PKNOX2: variants seen among roughly 807,000 people sequenced by gnomAD.
PKNOX2 encodes the protein homeobox protein PKNOX2.
Under a neutral mutation model 53.1 loss-of-function variants are expected in PKNOX2, and 14 were observed. The ratio of observed to expected loss-of-function variants is 0.26; its 90% CI spans 0.17 to 0.41. The LOEUF (loss-of-function observed/expected upper bound fraction) is 0.41, where lower values mean the gene tolerates loss of function less well. PKNOX2 is among the 10% of genes least tolerant of loss of function. PKNOX2 has a pLI of 1.00. For missense variants in PKNOX2, 496 were observed against 602.8 expected (o/e 0.82, Z 1.85); for synonymous variants, 257 against 242.8 (o/e 1.06, Z -0.54).
In PKNOX2 at chr11:125,407,964, G is replaced by A. The variant is rs147338923; in HGVS notation, c.589-2232G>A. ...ATGAGGCCCACAGAAGGGTGGTGAC[G>A]AGATTGCCTTTCCTCCAGTGCCCAC... On this transcript the variant is annotated intron_variant, in intron 7 of 12. Coordinates refer to ENST00000298282, the MANE Select transcript of PKNOX2 (RefSeq NM_001382323.2). 2.6e-3 allele frequency among the ~76,000 whole-genome samples: 393 copies of A among 152,274 alleles called. 3 individuals are homozygous for A. Among genetic ancestry groups the A allele is most frequent in the African/African-American group, 9.2e-3 (383 of 41,548 alleles).
At position 125,197,749 on chromosome 11, in the gene PKNOX2, C is replaced by T. The variant is rs530735696; in HGVS notation, c.-201+32973C>T. ...AAGTCCCCAAGGGGAAGACACACAT[C>T]CCCCAGGGTCCTGGCTACGGCTGCC... is the stretch of plus-strand genomic sequence containing the variant. On this transcript the variant is annotated intron_variant, in intron 1 of 12. Transcript: ENST00000298282. 6.6e-5 allele frequency among the ~76,000 whole-genome samples: 10 copies of T among 152,310 alleles called. 1 individual carries two copies. In the South Asian group the frequency reaches 2.1e-3, roughly 32 times the overall value.
chr11:125,214,791 C>T (rs986681624), intron 1 of PKNOX2, among the ~76,000 whole-genome samples: 2 of 152,042 alleles, frequency 1.3e-5, no homozygotes, highest in East Asian at 3.9e-4. Context: ...TCTCTTCTCT[C>T]TCCTCCCCAC....
chr11:125,413,784 C>T (rs1309925807), intron 10 of PKNOX2, among the ~76,000 whole-genome samples: 4 of 152,108 alleles, frequency 2.6e-5, no homozygotes, highest in African/African-American at 7.2e-5. Context: ...CACCCCCATG[C>T]GTTTTTGAAG....
chr11:125,431,701 C>A lies in PKNOX2; in HGVS notation c.*309C>A. 2.7e-6 allele frequency: 1 copy of A among 372,212 alleles called. No homozygotes were observed. Among genetic ancestry groups the A allele is most frequent in the Admixed American group, 4.1e-5 (1 of 24,544 alleles). The allele number at this position is 372,212 out of a possible 1,614,324, so 23.1% of individuals were successfully genotyped here. On this transcript the variant is annotated 3_prime_UTR_variant, in exon 13 of 13. Coordinates refer to ENST00000298282, the MANE Select transcript of PKNOX2 (RefSeq NM_001382323.2). ...CCAAATCCCTGAGGATAGATGGCAC[C>A]CATGGCCCCCACCCACGGAAGGACT...
rs1254761603 is a variant in PKNOX2, at chr11:125,264,364, C to T, written c.-130+29249C>T. 2.6e-5 allele frequency among the ~76,000 whole-genome samples: 4 copies of T among 152,146 alleles called. No individual in the cohort carries two copies. In the East Asian group the frequency reaches 7.7e-4, roughly 29 times the overall value. ...CAGATCCCTTGGAATGCAGCTCAGG[C>T]TATGGTGGGCCTGGGGTCCTGGGGA... is the stretch of plus-strand genomic sequence containing the variant. On this transcript the variant is annotated intron_variant, in intron 2 of 12. Transcript: ENST00000298282.
Position 125,211,333 on chromosome 11 carries a change from C to G in PKNOX2, c.-200-23712C>G, listed in dbSNP as rs561849099. ...ATTTTTATGTATTCCTTTATTTGTT[C>G]AGTCATTCATTCTACAAATATTTAC... On this transcript the variant is annotated intron_variant, in intron 1 of 12. Coordinates refer to ENST00000298282, the MANE Select transcript of PKNOX2 (RefSeq NM_001382323.2). 1.3e-3 allele frequency among the ~76,000 whole-genome samples: 194 copies of G among 152,174 alleles called. 2 individuals carry two copies. Among genetic ancestry groups the G allele is most frequent in the African/African-American group, 4.4e-3 (184 of 41,534 alleles).
chr11:125,313,130 T>C (rs879647483), intron 2 of PKNOX2, among the ~76,000 whole-genome samples: 2 of 152,024 alleles, frequency 1.3e-5, no homozygotes, highest in Non-Finnish European at 2.9e-5. Flanking sequence ...TGTGTGTCTT[T>C]GAAAGTAGAA....
intron 2 of PKNOX2, among the ~76,000 whole-genome samples, chr11:125,310,604 C>T (rs1948745346): frequency 6.6e-6 from 1 of 152,052 alleles, no homozygotes; most frequent in South Asian, 2.1e-4. Context: ...AACCCTGATG[C>T]TTGCCACTTT....
chr11:125,417,884 G>T (rs1321107586), intron 10 of PKNOX2, among the ~76,000 whole-genome samples: 3 of 151,938 alleles, frequency 2.0e-5, no homozygotes, highest in Non-Finnish European at 4.4e-5. Flanking sequence ...CTTCCATTCA[G>T]CCACAAGGAG....
intron 4 of PKNOX2, among the ~76,000 whole-genome samples, chr11:125,358,455 T>C (rs1008668338): frequency 1.3e-5 from 2 of 152,260 alleles, no homozygotes; most frequent in Non-Finnish European, 2.9e-5. Flanking sequence ...CTTGGCCTCC[T>C]GTCAGTGACA....
intron 2 of PKNOX2, among the ~76,000 whole-genome samples, chr11:125,243,316 C>T (rs2135616694): frequency 6.6e-6 from 1 of 152,312 alleles, no homozygotes; most frequent in East Asian, 1.9e-4. Context: ...AGAGGCCCTT[C>T]CCTCTCCCCT....
chr11:125,395,231 T>C (rs1268558419), intron 6 of PKNOX2, among the ~76,000 whole-genome samples: 2 of 152,208 alleles, frequency 1.3e-5, no homozygotes, highest in African/African-American at 2.4e-5. Context: ...TCTATCCACA[T>C]TGTTGGGCAT....
intron 1 of PKNOX2, among the ~76,000 whole-genome samples, chr11:125,171,927 C>T (rs1236686297): frequency 3.3e-5 from 5 of 152,132 alleles, no homozygotes; most frequent in Admixed American, 1.3e-4. Flanking sequence ...AGAGAGGTGA[C>T]GTGGAAAAAG....
chr11:125,257,607 T>C (rs566282282), intron 2 of PKNOX2, among the ~76,000 whole-genome samples: 1 of 152,356 alleles, frequency 6.6e-6, no homozygotes, highest in East Asian at 1.9e-4. Flanking sequence ...GTTTCCCTGC[T>C]GTAAAAATGA....
At position 125,296,312 on chromosome 11, in the gene PKNOX2, T is replaced by C. The variant is rs367766046; in HGVS notation, c.-129-35507T>C. Among the ~76,000 whole-genome samples, 8 of 152,160 alleles carry C rather than the reference T, an allele frequency of 5.3e-5. No individual in the cohort carries two copies. The East Asian group carries it at 1.4e-3, about 26-fold the overall frequency. ...GAATGAACACTCAAAGTCTACTCCA[T>C]AGTCTGCCGGCTCTACCCAATACAG... On this transcript the variant is annotated intron_variant, in intron 2 of 12. Transcript: ENST00000298282.
At chr11:125,212,386 C>A (rs924819533) in intron 1 of PKNOX2, among the ~76,000 whole-genome samples, 2 of 151,696 alleles carry the variant, frequency 1.3e-5, no homozygotes, top group African/African-American at 4.8e-5. Context: ...TGTGGTTATA[C>A]CTGACATTGT....
At chr11:125,270,367 G>A (rs991145188) in intron 2 of PKNOX2, among the ~76,000 whole-genome samples, 4 of 152,212 alleles carry the variant, frequency 2.6e-5, no homozygotes, top group African/African-American at 9.7e-5. Context: ...ATGACATGGT[G>A]TCTTGCACTG....
At chr11:125,316,574 A>T (rs1949208894) in intron 2 of PKNOX2, among the ~76,000 whole-genome samples, 1 of 152,204 alleles carries the variant, frequency 6.6e-6, no homozygotes, top group South Asian at 2.1e-4. Context: ...AAGTCACATG[A>T]ATCTTTTGGT....
intron 3 of PKNOX2, among the ~76,000 whole-genome samples, chr11:125,338,116 G>T (rs535081462): frequency 1.1e-4 from 17 of 152,126 alleles, no homozygotes; most frequent in African/African-American, 3.4e-4. Context: ...CCCAGCATCC[G>T]CTCTCTGTCC....
Sources: gnomAD v4.1 joint callset for allele counts (sites outside exome capture counted in the v4.1 genomes callset) on GRCh38, gnomAD v4.1.1 for gene constraint, MANE v1.5 for transcripts, NCBI Gene and HGNC (gene_info 2026-07-23, HGNC 2026-07-21) for gene names.